The following KCNH7 variants were observed in gnomAD, a reference collection of about 807,000 sequenced individuals.
The protein encoded by KCNH7 is voltage-gated inwardly rectifying potassium channel KCNH7.
A neutral mutation model predicts 120.8 loss-of-function variants in KCNH7; 49 were observed. The observed-to-expected ratio is 0.41, with a 90% confidence interval of 0.32 to 0.51. The LOEUF is 0.51. Among genes scored for constraint, KCNH7 ranks in the 20% least tolerant of loss-of-function variants. The probability of loss-of-function intolerance (pLI) is 0.38; values close to 1 mark genes in which losing one functional copy is unlikely to be tolerated. For synonymous variants in KCNH7, 547 were observed against 516.1 expected (o/e 1.06, Z -0.81); for missense variants, 1,097 against 1,446.6 (o/e 0.76, Z 3.92).
intron 2 of KCNH7, among the ~76,000 whole-genome samples, chr2:162,565,485 C>A (rs1000368014): frequency 7.9e-5 from 12 of 151,594 alleles, no homozygotes; most frequent in Non-Finnish European, 1.3e-4. Flanking sequence ...ATAAGAAGTA[C>A]CAAAGGATGA....
chr2:162,623,904 T>G (rs1398853207), intron 2 of KCNH7, among the ~76,000 whole-genome samples: 2 of 152,204 alleles, frequency 1.3e-5, no homozygotes, highest in African/African-American at 4.8e-5. Context: ...GTTTATTACC[T>G]GCAGTTAACC....
chr2:162,612,804 C>A (rs1482381343), intron 2 of KCNH7, among the ~76,000 whole-genome samples: 3 of 151,740 alleles, frequency 2.0e-5, no homozygotes, highest in Non-Finnish European at 4.4e-5. Context: ...AAGTAAAAAG[C>A]ATTTATAGAA....
chr2:162,777,589 T>A (rs1683292227), intron 2 of KCNH7, among the ~76,000 whole-genome samples: 2 of 152,152 alleles, frequency 1.3e-5, no homozygotes, highest in Admixed American at 1.3e-4. Flanking sequence ...AGCCAAGCAC[T>A]ATGCTAAGTG....
intron 2 of KCNH7, among the ~76,000 whole-genome samples, chr2:162,651,874 T>G (rs1346062590): frequency 2.0e-5 from 3 of 152,204 alleles, no homozygotes; most frequent in Non-Finnish European, 4.4e-5. Flanking sequence ...TGCTATTTTT[T>G]GGCTTTTTAA....
chr2:162,706,820 C>T (rs1318583971), intron 2 of KCNH7, among the ~76,000 whole-genome samples: 1 of 152,096 alleles, frequency 6.6e-6, no homozygotes, highest in Admixed American at 6.6e-5. Context: ...AATTGCCTCT[C>T]ATACTTAAAA....
intron 9 of KCNH7, among the ~76,000 whole-genome samples, chr2:162,412,106 A>G (rs1211498260): frequency 2.6e-5 from 4 of 152,040 alleles, no homozygotes; most frequent in Non-Finnish European, 5.9e-5. Context: ...AAACCAAACA[A>G]AAACAAATTC....
chr2:162,611,675 T>C (rs1299528910), intron 2 of KCNH7, among the ~76,000 whole-genome samples: 3 of 152,134 alleles, frequency 2.0e-5, no homozygotes, highest in Non-Finnish European at 2.9e-5. Flanking sequence ...GAGTTTTTAT[T>C]TTTTGTTTTT....
intron 2 of KCNH7, among the ~76,000 whole-genome samples, chr2:162,730,070 A>C (rs1002177470): frequency 4.6e-5 from 7 of 151,920 alleles, no homozygotes; most frequent in African/African-American, 1.7e-4. Flanking sequence ...ATTATATTAC[A>C]GTAATAAAAG....
At chr2:162,384,334 A>G (rs1686511128) in intron 13 of KCNH7, among the ~76,000 whole-genome samples, 1 of 151,924 alleles carries the variant, frequency 6.6e-6, no homozygotes, top group Non-Finnish European at 1.5e-5. Flanking sequence ...AGAAATGGGT[A>G]CATAAGATAC....
chr2:162,483,738 G>C (rs983661105), intron 6 of KCNH7, among the ~76,000 whole-genome samples: 3 of 152,060 alleles, frequency 2.0e-5, no homozygotes, highest in South Asian at 4.1e-4. Context: ...ATTTTCTTGA[G>C]TCAGGTAGTA....
intron 2 of KCNH7, among the ~76,000 whole-genome samples, chr2:162,793,394 G>A (rs539150085): frequency 2.5e-4 from 38 of 151,614 alleles, no homozygotes; most frequent in African/African-American, 8.7e-4. Flanking sequence ...AATAAACCCC[G>A]ATGAAACAAG....
chr2:162,697,393 C>T (rs894421281), intron 2 of KCNH7, among the ~76,000 whole-genome samples: 6 of 151,930 alleles, frequency 3.9e-5, no homozygotes, highest in Admixed American at 6.6e-5. Flanking sequence ...AATAAGGGAT[C>T]GAGGGTCAAC....
rs191508907 is a variant in KCNH7, at chr2:162,592,747, T to C, written c.308-55667A>G. 3.0e-3 allele frequency among the ~76,000 whole-genome samples: 462 copies of C among 152,210 alleles called. 2 individuals are homozygous for C. Among genetic ancestry groups the C allele is most frequent in the African/African-American group, 0.011 (440 of 41,562 alleles). ...TAAATATATAGTTTTTATTTATGAC[T>C]CCTATTTATTAACTATACTGGCGAA... is the stretch of plus-strand genomic sequence containing the variant. On this transcript the variant is annotated intron_variant, in intron 2 of 15. Coordinates refer to ENST00000332142, the MANE Select transcript of KCNH7 (RefSeq NM_033272.4).
intron 14 of KCNH7, among the ~76,000 whole-genome samples, chr2:162,376,705 C>A (rs1274519288): frequency 6.6e-6 from 1 of 151,990 alleles, no homozygotes; most frequent in African/African-American, 2.4e-5. Context: ...TTACTGGGAG[C>A]TTTTTAGAAT....
At chr2:162,822,474 G>A (rs1685151272) in intron 2 of KCNH7, among the ~76,000 whole-genome samples, 1 of 152,082 alleles carries the variant, frequency 6.6e-6, no homozygotes, top group African/African-American at 2.4e-5. Context: ...CACACAATGT[G>A]TATGTTCCAG....
chr2:162,736,967 G>T (rs148086881), intron 2 of KCNH7, among the ~76,000 whole-genome samples: 2 of 151,898 alleles, frequency 1.3e-5, no homozygotes, highest in East Asian at 1.9e-4. Flanking sequence ...TTCATAGATC[G>T]AGGCACCTAA....
chr2:162,464,537 A>G (rs933423601), intron 6 of KCNH7, among the ~76,000 whole-genome samples: 6 of 152,020 alleles, frequency 3.9e-5, no homozygotes, highest in Non-Finnish European at 7.4e-5. Flanking sequence ...ATAATTGTGT[A>G]ATAATATAAC....
At chr2:162,809,647 G>A (rs990471770) in intron 2 of KCNH7, among the ~76,000 whole-genome samples, 1 of 152,172 alleles carries the variant, frequency 6.6e-6, no homozygotes, top group African/African-American at 2.4e-5. Flanking sequence ...AAGAATTAAA[G>A]TTTTAAAAAA....
At chr2:162,416,304 T>A (rs570364249) in intron 9 of KCNH7, among the ~76,000 whole-genome samples, 1 of 146,686 alleles carries the variant, frequency 6.8e-6, no homozygotes, top group South Asian at 2.1e-4. Flanking sequence ...ACCCAGGAGG[T>A]GGAAGTTGCA....
Sources: allele counts gnomAD v4.1 joint callset (sites outside exome capture counted in the v4.1 genomes callset), GRCh38; gene constraint gnomAD v4.1.1; transcripts MANE v1.5; gene names NCBI Gene and HGNC (gene_info 2026-07-23, HGNC 2026-07-21).